Variants in RCC1L observed in about 807,000 individuals in gnomAD.
RCC1L encodes RCC1 like.
In RCC1L, 46 loss-of-function variants were observed where a neutral mutation model predicts 58.6. That is an observed-to-expected ratio of 0.79 (90% CI 0.62 to 1.00). RCC1L has a LOEUF of 1.00. RCC1L is among the 50% of genes least tolerant of loss of function. The pLI is 0.00. For synonymous variants in RCC1L, 281 were observed against 262.9 expected, an observed-to-expected ratio of 1.07 and a Z score of -0.67; for missense variants, 636 against 623.6, an observed-to-expected ratio of 1.02 and a Z score of -0.21.
chr7:75,063,086 C>T (rs1806326538), intron 5 of RCC1L, among the ~76,000 whole-genome samples: 1 of 152,094 alleles, frequency 6.6e-6, no homozygotes, highest in Admixed American at 6.6e-5. Context: ...GGTATAGCCA[C>T]CACACCCGGC....
chr7:75,071,373 G>A (rs1378209643), intron 1 of RCC1L, among the ~76,000 whole-genome samples: 7 of 152,004 alleles, frequency 4.6e-5, no homozygotes, highest in Non-Finnish European at 7.4e-5. Context: ...AGCCGAGTAC[G>A]GTGGCTCACA....
rs587612662 is a variant in RCC1L at position 75,063,548 on chromosome 7, T to C, written c.651-205A>G. 1.9e-4 allele frequency among the ~76,000 whole-genome samples: 29 copies of C among 152,172 alleles called. No homozygotes were observed. The East Asian group carries it at 2.5e-3, about 13-fold the overall frequency. ...CAAAATCCTAGGTGATTTTAACACATGGCCAAAGTTGAGAGTGGTGTTAAG... is the reference window on the plus strand; with the variant it reads ...CAAAATCCTAGGTGATTTTAACACACGGCCAAAGTTGAGAGTGGTGTTAAG... On this transcript the variant is annotated intron_variant, in intron 4 of 10. Coordinates refer to ENST00000610322, the MANE Select transcript of RCC1L (RefSeq NM_030798.5).
intron 1 of RCC1L, among the ~76,000 whole-genome samples, chr7:75,071,318 G>T (rs1263529800): frequency 6.6e-6 from 1 of 151,916 alleles, no homozygotes; most frequent in Non-Finnish European, 1.5e-5. Flanking sequence ...TTACCACTAG[G>T]TATTACCATC....
At chr7:75,037,529 G>A (rs1805455554), downstream of RCC1L, among the ~76,000 whole-genome samples, 1 of 144,060 alleles carries the variant, frequency 6.9e-6, no homozygotes, top group East Asian at 2.1e-4. Flanking sequence ...TTGGGAGACG[G>A]AGTCTCGGTC....
intron 10 of RCC1L, among the ~76,000 whole-genome samples, chr7:75,035,581 C>CA (rs1387790182): frequency 6.6e-6 from 1 of 152,048 alleles, no homozygotes; most frequent in Admixed American, 6.6e-5. Context: ...ATTCCAGAAA[C>CA]AAAACGCTGG....
intron 6 of RCC1L, among the ~76,000 whole-genome samples, chr7:75,059,129 G>A (rs1333422440): frequency 1.4e-5 from 2 of 146,108 alleles, no homozygotes; most frequent in African/African-American, 5.0e-5. Flanking sequence ...GGAGGTGGAG[G>A]TTCCAGTTAA....
chr7:75,062,991 G>A (rs1806324035), intron 5 of RCC1L, among the ~76,000 whole-genome samples: 2 of 151,540 alleles, frequency 1.3e-5, no homozygotes, highest in South Asian at 4.2e-4. Flanking sequence ...TAAAGACGGG[G>A]TTTCACCATG....
chr7:75,037,353 T>C (rs1805451476), downstream of RCC1L, among the ~76,000 whole-genome samples: 3 of 150,996 alleles, frequency 2.0e-5, no homozygotes, highest in South Asian at 6.3e-4. Context: ...CCCAGCTAAT[T>C]TTTGTATTTT....
chr7:75,058,917 C>T, intron 6 of RCC1L, 148 bp from the exon 7 acceptor site: 1 of 904,170 alleles, frequency 1.1e-6, no homozygotes, highest in Non-Finnish European at 1.7e-6. Context: ...TGGCTCACGC[C>T]TGTAATCCCA....
intron 10 of RCC1L, among the ~76,000 whole-genome samples, chr7:75,046,176 T>C (rs980957139): frequency 2.0e-5 from 3 of 152,192 alleles, no homozygotes; most frequent in Non-Finnish European, 4.4e-5. Context: ...CCCAGCCCTG[T>C]CCCTAAACAA....
chr7:75,047,878 C>T (rs1244904092), intron 10 of RCC1L, among the ~76,000 whole-genome samples: 1 of 149,336 alleles, frequency 6.7e-6, no homozygotes, highest in Non-Finnish European at 1.5e-5. Flanking sequence ...AACTCCTGAC[C>T]CCATGATCTG....
Position 75,057,595 on chromosome 7 carries a change from G to T in RCC1L, c.991C>A (p.His331Asn). 6.2e-7 allele frequency: 1 copy of T among 1,613,938 alleles called. No homozygotes were observed. The highest frequency in any genetic ancestry group is 8.5e-7 in the Non-Finnish European group (1 of 1,179,854). ...CGCACCTTCCCCACTCCTGAGAAGT[G>T]TAAGCAGCGGGGCACATTCACCTGA... ...STQVNVPRCL[H>N]FSGVGKVRQA... The change falls in exon 8 of 11, where the codon CAC becomes AAC. Residue 331 changes from histidine to asparagine, a missense_variant. By Grantham distance (68) the His-to-Asn change is moderately conservative. Coordinates refer to ENST00000610322, the MANE Select transcript of RCC1L (RefSeq NM_030798.5).
chr7:75,030,268 C>T (rs947870510), intron 10 of RCC1L, among the ~76,000 whole-genome samples: 3 of 152,328 alleles, frequency 2.0e-5, no homozygotes, highest in East Asian at 1.9e-4. Flanking sequence ...AGAGTGTGTG[C>T]GTGCACGTGT....
Position 75,066,723 on chromosome 7 carries a change from C to T in RCC1L, c.524G>A (p.Arg175Gln), listed in dbSNP as rs372749501. Residue 175 changes from arginine to glutamine, a missense_variant, in exon 3 of 11, where the codon CGG (arginine) becomes CAG (glutamine). Coordinates refer to ENST00000610322, the MANE Select transcript of RCC1L (RefSeq NM_030798.5). ...TCGGCCGCAGGAGACCTGCAGCACC[C>T]GTGTCTCCTGAGGTCTGTCCAGAGG... ...SLPLDRPQET[R>Q]VLQVSCGRAH... 3.2e-5 allele frequency: 52 copies of T among 1,613,538 alleles called. No individual in the cohort carries two copies. The highest frequency in any genetic ancestry group is 3.3e-4 in the Middle Eastern group (2 of 6,018).
At chr7:75,052,863 G>A (rs1196285812) in intron 9 of RCC1L, 67 bp from the exon 10 acceptor site, 11 of 1,463,944 alleles carry the variant, frequency 7.5e-6, no homozygotes, top group East Asian at 7.0e-5. Context: ...GGAGAGGATG[G>A]GTCATGAGAA....
At chr7:75,056,745 A>G (rs1181577494) in intron 8 of RCC1L, 1 of 1,534,254 alleles carries the variant, frequency 6.5e-7, no homozygotes, top group African/African-American at 1.4e-5. Context: ...ATCGCAGACT[A>G]TTCGCTTTTT....
intron 5 of RCC1L, among the ~76,000 whole-genome samples, 184 bp downstream of exon 5, chr7:75,063,108 A>T (rs2132002077): frequency 6.6e-6 from 1 of 152,202 alleles, no homozygotes; most frequent in South Asian, 2.1e-4. Flanking sequence ...CCAAAATCTT[A>T]TTAAACTTTG....
At chr7:75,039,827 G>A (rs938426519), downstream of RCC1L, among the ~76,000 whole-genome samples, 6 of 152,236 alleles carry the variant, frequency 3.9e-5, no homozygotes, top group African/African-American at 1.4e-4. Context: ...GAGAGGAGAC[G>A]GGAGCTTGCA....
At chr7:75,072,449 T>A (rs1554446294) in intron 1 of RCC1L, among the ~76,000 whole-genome samples, 1 of 151,866 alleles carries the variant, frequency 6.6e-6, no homozygotes, top group Non-Finnish European at 1.5e-5. Context: ...CTTCTAAAGG[T>A]TGAGTAACTT....
Sources: gnomAD v4.1 joint callset for allele counts (sites outside exome capture counted in the v4.1 genomes callset) on GRCh38, gnomAD v4.1.1 for gene constraint, MANE v1.5 for transcripts, NCBI Gene and HGNC (gene_info 2026-07-23, HGNC 2026-07-21) for gene names.